AFG2A: variants seen among roughly 807,000 people sequenced by gnomAD.
The protein encoded by AFG2A is AAA ATPase AFG2A, also known as ATPase family gene 2 protein homolog A.
chr4:123,006,795 T>C, the AFG2A span, among the ~76,000 whole-genome samples: 1 of 152,158 alleles, frequency 6.6e-6, no homozygotes, highest in African/African-American at 2.4e-5. Context: ...AATGTCCTTG[T>C]CTACTAATCC....
At chr4:123,046,105 AAAAG>A in the AFG2A span, among the ~76,000 whole-genome samples, 6 of 152,012 alleles carry the variant, frequency 3.9e-5, no homozygotes, top group South Asian at 2.1e-4. Flanking sequence ...TCAAAAAAAA[AAAAG>A]AAAGAAAGAA....
At chr4:122,955,921 G>C in the AFG2A span, among the ~76,000 whole-genome samples, 5 of 152,156 alleles carry the variant, frequency 3.3e-5, no homozygotes, top group African/African-American at 1.2e-4. Flanking sequence ...ATTACCTAGG[G>C]ATCAAAAAGC....
chr4:122,946,608 A>G, the AFG2A span, among the ~76,000 whole-genome samples: 3 of 152,106 alleles, frequency 2.0e-5, no homozygotes, highest in African/African-American at 7.2e-5. Context: ...CAGGTGGCTG[A>G]TCATGATCAT....
the AFG2A span, among the ~76,000 whole-genome samples, chr4:123,225,555 G>T: frequency 1.3e-5 from 2 of 151,492 alleles, no homozygotes; most frequent in East Asian, 3.9e-4. Flanking sequence ...GCTCTGTTCT[G>T]TTCCATTGGT....
chr4:123,013,373 C>G, the AFG2A span, among the ~76,000 whole-genome samples: 1 of 152,152 alleles, frequency 6.6e-6, no homozygotes, highest in Admixed American at 6.5e-5. Flanking sequence ...ACCTTTTTCA[C>G]CTGACCACAT....
At chr4:123,318,926 T>C in the AFG2A span, 6 of 152,222 alleles carry the variant, frequency 3.9e-5, no homozygotes, top group Non-Finnish European at 7.3e-5. Context: ...TCTGTTTGGT[T>C]GAAAGTTTGC....
At chr4:123,077,732 T>G in the AFG2A span, among the ~76,000 whole-genome samples, 1 of 152,176 alleles carries the variant, frequency 6.6e-6, no homozygotes, top group African/African-American at 2.4e-5. Context: ...GGGAGGTAGA[T>G]GAATTGTGTA....
the AFG2A span, among the ~76,000 whole-genome samples, chr4:123,277,666 T>C: frequency 6.6e-6 from 1 of 152,228 alleles, no homozygotes; most frequent in Admixed American, 6.5e-5. Context: ...GCCTGGTTTA[T>C]TGAGGGTTTT....
At chr4:123,112,989 A>G in the AFG2A span, among the ~76,000 whole-genome samples, 2 of 152,346 alleles carry the variant, frequency 1.3e-5, no homozygotes, top group South Asian at 4.1e-4. Flanking sequence ...TAATTTAATT[A>G]ATAGAGGTTA....
chr4:123,256,892 G>T, the AFG2A span: 3 of 972,632 alleles, frequency 3.1e-6, no homozygotes, highest in Non-Finnish European at 3.7e-6. Flanking sequence ...AACTTTTCTA[G>T]CTGCATTTCT....
At chr4:123,175,687 C>T in the AFG2A span, among the ~76,000 whole-genome samples, 1 of 152,074 alleles carries the variant, frequency 6.6e-6, no homozygotes, top group African/African-American at 2.4e-5. Flanking sequence ...GTTGTGTATC[C>T]CAGGATGTTT....
chr4:123,044,597 T>TG, the AFG2A span, among the ~76,000 whole-genome samples: 1,765 of 152,348 alleles, frequency 0.012, 13 homozygotes, highest in Middle Eastern at 0.072. Context: ...AACTGGACTC[T>TG]GTTCAGACAT....
the AFG2A span, chr4:122,934,276 C>T: frequency 6.2e-7 from 1 of 1,614,182 alleles, no homozygotes. Flanking sequence ...AACCAGTAGC[C>T]TGGAGTTATC....
the AFG2A span, among the ~76,000 whole-genome samples, chr4:123,170,912 G>A: frequency 6.6e-6 from 1 of 152,002 alleles, no homozygotes. Context: ...CCCTAAAATG[G>A]GGTTATTAAC....
chr4:123,170,979 T>C, the AFG2A span, among the ~76,000 whole-genome samples: 3 of 152,150 alleles, frequency 2.0e-5, no homozygotes, highest in South Asian at 2.1e-4. Flanking sequence ...TGTGGAATGA[T>C]TCAAACAGTT....
chr4:123,100,189 C>A, the AFG2A span, among the ~76,000 whole-genome samples: 1 of 151,804 alleles, frequency 6.6e-6, no homozygotes, highest in Non-Finnish European at 1.5e-5. Flanking sequence ...TTCACCCACA[C>A]TGATGGGGAA....
the AFG2A span, among the ~76,000 whole-genome samples, chr4:123,145,476 A>G: frequency 6.6e-6 from 1 of 152,158 alleles, no homozygotes; most frequent in African/African-American, 2.4e-5. Flanking sequence ...CAAATAATGC[A>G]CTTTCAATCT....
the AFG2A span, among the ~76,000 whole-genome samples, chr4:122,987,332 G>A: frequency 6.6e-6 from 1 of 152,184 alleles, no homozygotes; most frequent in African/African-American, 2.4e-5. Context: ...TTAAATTAGA[G>A]TCTCTTATGG....
At chr4:123,042,453 C>T in the AFG2A span, among the ~76,000 whole-genome samples, 2 of 152,162 alleles carry the variant, frequency 1.3e-5, no homozygotes, top group Non-Finnish European at 2.9e-5. Flanking sequence ...CTTCTAATAT[C>T]ACATTGTGGA....
Sources: gnomAD v4.1 joint callset for allele counts (sites outside exome capture counted in the v4.1 genomes callset) on GRCh38, gnomAD v4.1.1 for gene constraint, MANE v1.5 for transcripts, NCBI Gene and HGNC (gene_info 2026-07-23, HGNC 2026-07-21) for gene names.